Variants in NSG2 observed in about 807,000 individuals in gnomAD.
NSG2 encodes neuronal vesicle trafficking-associated protein 2.
A neutral mutation model predicts 16.9 loss-of-function variants in NSG2; 4 were observed. The ratio of observed to expected loss-of-function variants is 0.24; its 90% CI spans 0.12 to 0.54. The LOEUF is 0.54. Ranked by LOEUF, NSG2 falls within the 20% of genes least tolerant of loss-of-function variation. The pLI is 0.95. For missense variants in NSG2, 179 were observed against 221.1 expected (o/e 0.81, Z 1.21); for synonymous variants, 98 against 88.7 (o/e 1.11, Z -0.59).
chr5:174,048,865 G>T (rs992457152), intron 2 of NSG2, among the ~76,000 whole-genome samples: 1 of 152,206 alleles, frequency 6.6e-6, no homozygotes. Context: ...TGCATGCAAC[G>T]TGAAGCCAAT....
At chr5:174,106,932 T>C (rs1388438488) in intron 4 of NSG2, among the ~76,000 whole-genome samples, 1 of 152,050 alleles carries the variant, frequency 6.6e-6, no homozygotes, top group African/African-American at 2.4e-5. Flanking sequence ...AAGTATAAAA[T>C]ACAGGAAATA....
intron 3 of NSG2, among the ~76,000 whole-genome samples, chr5:174,093,925 G>A (rs1429322597): frequency 1.3e-5 from 2 of 152,154 alleles, no homozygotes; most frequent in Non-Finnish European, 2.9e-5. Flanking sequence ...GACAGTGGAA[G>A]GGTTTTTGGT....
intron 4 of NSG2, among the ~76,000 whole-genome samples, chr5:174,106,011 T>G (rs970121384): frequency 6.6e-6 from 1 of 151,762 alleles, no homozygotes; most frequent in Admixed American, 6.6e-5. Context: ...ACTGGGAAAA[T>G]GAGGAAGGCA....
rs778406752 is a variant in NSG2 at position 174,107,301 on chromosome 5, CTT to C, written c.325-11_325-10del. On this transcript the variant is annotated splice_polypyrimidine_tract_variant and intron_variant, in intron 4 of 4. Coordinates refer to ENST00000303177, the MANE Select transcript of NSG2 (RefSeq NM_015980.5). This position sits in a 1 kb window ranked among gnomAD's most constrained non-coding sequence, Gnocchi z 4.5. ...TGCTGAATGACCCCTGACTCTGTCT[CTT>C]TCTTCCCCAGCACAAACGCTGTATC... The C allele has an allele frequency of 6.5e-7, 1 of 1,537,382 alleles. No individual in the cohort carries two copies. The highest frequency in any genetic ancestry group is 8.8e-7 in the Non-Finnish European group (1 of 1,137,154).
At chr5:174,100,445 C>T (rs1471799345) in intron 3 of NSG2, among the ~76,000 whole-genome samples, 1 of 152,204 alleles carries the variant, frequency 6.6e-6, no homozygotes, top group East Asian at 1.9e-4. Context: ...CCTACTAGAG[C>T]AGCGCTTCTC....
chr5:174,053,289 T>C (rs970950841), intron 2 of NSG2, among the ~76,000 whole-genome samples: 1 of 152,070 alleles, frequency 6.6e-6, no homozygotes, highest in Non-Finnish European at 1.5e-5. Flanking sequence ...ACAGATAGGG[T>C]TTCCTTTCTT....
At chr5:174,090,229 CAAAAG>C (rs1452898154) in intron 3 of NSG2, among the ~76,000 whole-genome samples, 1 of 151,822 alleles carries the variant, frequency 6.6e-6, no homozygotes, top group East Asian at 1.9e-4. Flanking sequence ...GCAAAATCAG[CAAAAG>C]AAAAGAAAAA....
At chr5:174,067,259 G>C (rs1760158006) in intron 3 of NSG2, among the ~76,000 whole-genome samples, 1 of 152,180 alleles carries the variant, frequency 6.6e-6, no homozygotes, top group African/African-American at 2.4e-5. Flanking sequence ...ATCTATGTGA[G>C]AGATTGATAT....
intron 3 of NSG2, among the ~76,000 whole-genome samples, chr5:174,099,099 G>A (rs986176023): frequency 1.1e-4 from 16 of 152,140 alleles, no homozygotes; most frequent in African/African-American, 3.4e-4. Context: ...TTGTTGCAGG[G>A]ATCAGGCACG....
chr5:174,108,424 A>G lies in NSG2; in HGVS notation c.*919A>G, dbSNP rs1240812147. The G allele has an allele frequency of 6.6e-6, 1 of 152,494 alleles. No homozygotes were observed. The highest frequency in any genetic ancestry group is 1.5e-5 in the Non-Finnish European group (1 of 68,196). The allele number at this position is 152,494 out of a possible 1,614,324, so 9.4% of individuals were successfully genotyped here. On this transcript the variant is annotated 3_prime_UTR_variant, in exon 5 of 5. Coordinates refer to ENST00000303177, the MANE Select transcript of NSG2 (RefSeq NM_015980.5). ...CGATAAGCACAGGCACCTGACTTTT[A>G]AGTTTTTGTTTGTTTGTTGTTTCCC...
chr5:174,056,544 G>A (rs1360081461), intron 2 of NSG2: 1 of 152,210 alleles, frequency 6.6e-6, no homozygotes, highest in East Asian at 1.9e-4. Flanking sequence ...AGAGAACTGA[G>A]GCTTGGAGAG....
intron 2 of NSG2, among the ~76,000 whole-genome samples, chr5:174,054,916 G>A (rs898935236): frequency 4.6e-5 from 7 of 152,194 alleles, no homozygotes; most frequent in African/African-American, 1.7e-4. Flanking sequence ...CATGACACTA[G>A]TATCTTTCTC....
At chr5:174,105,614 A>G (rs1760965303) in intron 4 of NSG2, among the ~76,000 whole-genome samples, 1 of 152,200 alleles carries the variant, frequency 6.6e-6, no homozygotes, top group Admixed American at 6.5e-5. Flanking sequence ...CACCAAGGGT[A>G]TAATCTGACT....
intron 3 of NSG2, among the ~76,000 whole-genome samples, chr5:174,100,102 T>C (rs1420772871): frequency 6.6e-6 from 1 of 152,198 alleles, no homozygotes; most frequent in East Asian, 1.9e-4. Flanking sequence ...TGAGCCTAAT[T>C]CTGGGGTCAT....
chr5:174,066,345 G>T (rs746641548), intron 3 of NSG2: 1 of 434,672 alleles, frequency 2.3e-6, no homozygotes, highest in South Asian at 1.6e-5. Flanking sequence ...ACCAGGCCAC[G>T]GGGTCAAATT....
chr5:174,082,946 G>A (rs1760511470), intron 3 of NSG2, among the ~76,000 whole-genome samples: 1 of 152,172 alleles, frequency 6.6e-6, no homozygotes, highest in Non-Finnish European at 1.5e-5. Context: ...CAGACCCACT[G>A]GCTCTCTAGT....
At chr5:174,086,160 C>A (rs899764982) in intron 3 of NSG2, among the ~76,000 whole-genome samples, 2 of 152,140 alleles carry the variant, frequency 1.3e-5, no homozygotes, top group Admixed American at 1.3e-4. Context: ...CTGGCTCAGC[C>A]CCAGACAAGT....
chr5:174,075,596 G>A (rs1439007903), intron 3 of NSG2, among the ~76,000 whole-genome samples: 1 of 152,152 alleles, frequency 6.6e-6, no homozygotes, highest in Non-Finnish European at 1.5e-5. Context: ...AAAGAGAAGC[G>A]ACAATTTCCC....
intron 3 of NSG2, among the ~76,000 whole-genome samples, chr5:174,088,745 A>G (rs2113463240): frequency 6.6e-6 from 1 of 152,304 alleles, no homozygotes; most frequent in African/African-American, 2.4e-5. Context: ...CCGTGCTTCA[A>G]GGTGGCTATT....
Sources: gnomAD v4.1 joint callset for allele counts (sites outside exome capture counted in the v4.1 genomes callset) on GRCh38, gnomAD v4.1.1 for gene constraint, Gnocchi (gnomAD v3.1) non-coding constraint, MANE v1.5 for transcripts, NCBI Gene and HGNC (gene_info 2026-07-23, HGNC 2026-07-21) for gene names.